CEP164: variants seen among roughly 807,000 people sequenced by gnomAD.
The protein encoded by CEP164 is centrosomal protein of 164 kDa.
A neutral mutation model predicts 182.7 loss-of-function variants in CEP164; 162 were observed. That is an observed-to-expected ratio of 0.89 (90% CI 0.78 to 1.01). The LOEUF (loss-of-function observed/expected upper bound fraction) is 1.01. Ranked by LOEUF, CEP164 falls within the 50% of genes least tolerant of loss-of-function variation. CEP164 has a pLI of 0.00. For missense variants in CEP164, 1,735 were observed against 1,790.4 expected, an observed-to-expected ratio of 0.97 and a Z score of 0.56; for synonymous variants, 661 against 690.0, an observed-to-expected ratio of 0.96 and a Z score of 0.66.
chr11:117,378,627 G>A (rs745310062), intron 11 of CEP164, among the ~76,000 whole-genome samples: 1 of 152,170 alleles, frequency 6.6e-6, no homozygotes, highest in African/African-American at 2.4e-5. Context: ...ATGTGCGATT[G>A]TCTCCCCTTT....
rs1445485693 is a variant in CEP164 at position 117,387,408 on chromosome 11, C to T, written c.1930C>T (p.Leu644Phe). 1.1e-5 allele frequency: 18 copies of T among 1,613,942 alleles called. No homozygotes were observed. Among genetic ancestry groups the T allele is most frequent in the Non-Finnish European group, 1.4e-5 (17 of 1,180,022 alleles). Residue 644 changes from leucine to phenylalanine, a missense_variant, in exon 15 of 33, where the codon CTC (leucine) becomes TTC (phenylalanine). By Grantham distance (22) the Leu-to-Phe change is conservative. Coordinates refer to ENST00000278935, the MANE Select transcript of CEP164 (RefSeq NM_014956.5). ...GCTTCACCAGCAGAAAGAGCAATCT[C>T]TCAGGTCCTGCCCTTCCCCTTAGGC... ...LRLHQQKEQS[L>F]SSLRERLQKA...
chr11:117,345,323 C>T (rs1245671084), intron 4 of CEP164, among the ~76,000 whole-genome samples: 5 of 152,158 alleles, frequency 3.3e-5, no homozygotes, highest in Non-Finnish European at 5.9e-5. Flanking sequence ...GTGCTCCCTG[C>T]TCGTGGTGAC....
chr11:117,372,874 G>C (rs1046920801), intron 9 of CEP164, among the ~76,000 whole-genome samples: 2 of 152,100 alleles, frequency 1.3e-5, no homozygotes, highest in Non-Finnish European at 2.9e-5. Context: ...GGTAGATTAG[G>C]TGACAAGAAG....
At position 117,361,863 on chromosome 11, in the gene CEP164, A is replaced by G. The variant is rs200045306; in HGVS notation, c.422A>G (p.His141Arg). ...TTGGGTTCCTCATTAGCCCCAGTTC[A>G]TGTTCCTCTTGGGGGCCTGGCTCCT... The part of the protein sequence containing the change: ...LALGSSLAPV[H>R]VPLGGLAPLR... The change falls in exon 6 of 33, where the codon CAT (histidine) becomes CGT (arginine). Residue 141 changes from histidine to arginine, a missense_variant. His to Arg is a conservative substitution (Grantham distance 29, BLOSUM62 0). Coordinates refer to ENST00000278935, the MANE Select transcript of CEP164 (RefSeq NM_014956.5). The G allele has an allele frequency of 4.5e-5, 72 of 1,614,064 alleles. No individual in the cohort carries two copies. The highest frequency in any genetic ancestry group is 5.8e-5 in the Non-Finnish European group (69 of 1,180,038).
rs1261244745 is a variant in CEP164 at position 117,409,901 on chromosome 11, C to T, written c.4032C>T (p.Leu1344=). Residue 1344 remains leucine, a synonymous_variant, in exon 30 of 33, where the codon CTC becomes CTT. Coordinates refer to ENST00000278935, the MANE Select transcript of CEP164 (RefSeq NM_014956.5). This position sits in a 1 kb window ranked among gnomAD's most constrained non-coding sequence, Gnocchi z 4.4. ...GGGATTCAGGGCAGGGGCCCAGGCTCCCCTCCTCTGTGGCTCAAACGGTGG... is the reference window on the plus strand; with the variant it reads ...GGGATTCAGGGCAGGGGCCCAGGCTTCCCTCCTCTGTGGCTCAAACGGTGG... ...WAWDSGQGPR[L]PSSVAQTVDD... 1.9e-6 allele frequency: 3 copies of T among 1,614,038 alleles called. No individual in the cohort carries two copies.
intron 20 of CEP164, 89 bp downstream of exon 20, chr11:117,393,215 G>A (rs370359898): frequency 3.0e-4 from 455 of 1,515,390 alleles, no homozygotes; most frequent in Middle Eastern, 6.3e-4. Flanking sequence ...ACACATGCAC[G>A]CACATGCACA....
intron 15 of CEP164, among the ~76,000 whole-genome samples, chr11:117,388,702 A>G (rs2044232100): frequency 6.6e-6 from 1 of 152,198 alleles, no homozygotes; most frequent in Non-Finnish European, 1.5e-5. Context: ...AAATTTAGCC[A>G]TAGGACAAAG....
chr11:117,365,788 C>G (rs1160988927), intron 8 of CEP164, among the ~76,000 whole-genome samples: 3 of 152,064 alleles, frequency 2.0e-5, no homozygotes, highest in Non-Finnish European at 2.9e-5. Context: ...CCATGTTGGC[C>G]AGGCTGGTCT....
At chr11:117,360,880 C>A (rs2040858416) in intron 5 of CEP164, among the ~76,000 whole-genome samples, 2 of 150,876 alleles carry the variant, frequency 1.3e-5, no homozygotes, top group Admixed American at 1.3e-4. Context: ...ACTGAGAATT[C>A]TTCTGGTAGA....
intron 5 of CEP164, chr11:117,359,410 T>C: frequency 1.0e-6 from 1 of 985,436 alleles, no homozygotes; most frequent in Non-Finnish European, 1.2e-6. Flanking sequence ...GTTTTCTCCT[T>C]CACAAACATG....
At chr11:117,333,005 T>C (rs906388730) in intron 1 of CEP164, among the ~76,000 whole-genome samples, 1 of 152,332 alleles carries the variant, frequency 6.6e-6, no homozygotes, top group East Asian at 1.9e-4. Flanking sequence ...ATCTAAGGGC[T>C]GCATTCTCAT....
In CEP164 at chr11:117,409,152, A is replaced by G. The variant is rs1359987288; in HGVS notation, c.3748+124A>G. On this transcript the variant is annotated intron_variant, in intron 29 of 32. Coordinates refer to ENST00000278935, the MANE Select transcript of CEP164 (RefSeq NM_014956.5). This position sits in a 1 kb window ranked among gnomAD's most constrained non-coding sequence, Gnocchi z 4.4. ...GAGGCCTCTGTGAGCCGGTGTCTGG[A>G]CTAGGTGCTCGGTCAGTGCTGGGAA... is the stretch of plus-strand genomic sequence containing the variant. 3.1e-6 allele frequency: 4 copies of G among 1,310,392 alleles called. No individual in the cohort carries two copies. The African/African-American group carries it at 4.4e-5, about 14-fold the overall frequency. The allele number at this position is 1,310,392 out of a possible 1,614,324, so 81.2% of individuals were successfully genotyped here. A position where few individuals can be genotyped will look rare whatever the true frequency, so the allele number is the denominator to read the frequency against.
chr11:117,391,118 T>G lies in CEP164; in HGVS notation c.2186T>G (p.Ile729Arg). The G allele has an allele frequency of 1.2e-6, 2 of 1,613,772 alleles. No homozygotes were observed. The highest frequency in any genetic ancestry group is 3.3e-5 in the Admixed American group (2 of 59,992). The part of the protein sequence containing the change: ...RQMLEQLKEE[I>R]EASEKSEQAA... Reference sequence around the variant, plus strand: ...ATGCTGGAGCAGCTCAAGGAAGAGATAGAGGCTTCGGAGAAGAGCGAGCAG... The same window carrying G: ...ATGCTGGAGCAGCTCAAGGAAGAGAGAGAGGCTTCGGAGAAGAGCGAGCAG... Residue 729 changes from isoleucine to arginine, a missense_variant, in exon 17 of 33, where the codon ATA becomes AGA. Physicochemically the swap from Ile to Arg is moderately conservative, Grantham distance 97 (BLOSUM62 -3). Coordinates refer to ENST00000278935, the MANE Select transcript of CEP164 (RefSeq NM_014956.5).
chr11:117,373,290 C>T (rs920663026), intron 9 of CEP164, among the ~76,000 whole-genome samples: 1 of 151,956 alleles, frequency 6.6e-6, no homozygotes, highest in Non-Finnish European at 1.5e-5. Flanking sequence ...TTGCTGGGAC[C>T]CGGGAGGTGG....
At chr11:117,355,353 C>A in intron 5 of CEP164, 1 of 1,289,826 alleles carries the variant, frequency 7.8e-7, no homozygotes, top group Middle Eastern at 2.1e-4. Context: ...GGCACTCCAG[C>A]CCCTCAGAAC....
chr11:117,348,321 C>T (rs1367778411), intron 4 of CEP164, among the ~76,000 whole-genome samples: 2 of 152,042 alleles, frequency 1.3e-5, no homozygotes, highest in African/African-American at 4.8e-5. Context: ...ATCGTCAATC[C>T]AAGGGCAAAA....
intron 5 of CEP164, among the ~76,000 whole-genome samples, chr11:117,359,213 G>C (rs1016123107): frequency 3.3e-5 from 5 of 152,106 alleles, no homozygotes; most frequent in African/African-American, 1.2e-4. Context: ...CAAAGTGCTG[G>C]GATTACAGGC....
At chr11:117,365,359 G>A (rs564935560) in intron 8 of CEP164, among the ~76,000 whole-genome samples, 1 of 152,208 alleles carries the variant, frequency 6.6e-6, no homozygotes, top group East Asian at 1.9e-4. Context: ...CAGAGAGAGT[G>A]TCCAGGCAGG....
At chr11:117,359,145 T>C in intron 5 of CEP164, among the ~76,000 whole-genome samples, 1 of 152,082 alleles carries the variant, frequency 6.6e-6, no homozygotes. Context: ...GGTTTTACCA[T>C]ATTGGTCAGG....
Sources: gnomAD v4.1 joint callset for allele counts (sites outside exome capture counted in the v4.1 genomes callset) on GRCh38, gnomAD v4.1.1 for gene constraint, Gnocchi (gnomAD v3.1) non-coding constraint, MANE v1.5 for transcripts, NCBI Gene and HGNC (gene_info 2026-07-23, HGNC 2026-07-21) for gene names.